The following MLXIPL variants were observed in gnomAD, a reference collection of about 807,000 sequenced individuals.
The protein encoded by MLXIPL is MLX interacting protein like.
A neutral mutation model predicts 81.5 loss-of-function variants in MLXIPL; 49 were observed. The observed-to-expected ratio is 0.60, with a 90% CI of 0.48 to 0.76. MLXIPL has a LOEUF of 0.76. Among genes scored for constraint, MLXIPL ranks in the 30% least tolerant of loss-of-function variants. The pLI, the probability that MLXIPL is intolerant of heterozygous loss-of-function variation, is 0.00. For missense variants in MLXIPL, 1,053 were observed against 1,167.0 expected (o/e 0.90, Z 1.42); for synonymous variants, 466 against 485.5 (o/e 0.96, Z 0.53).
At chr7:73,600,918 C>G (rs1471031038) in intron 7 of MLXIPL, among the ~76,000 whole-genome samples, 1 of 151,938 alleles carries the variant, frequency 6.6e-6, no homozygotes, top group Non-Finnish European at 1.5e-5. Context: ...GCCCGCCCAC[C>G]CGCTCCCTTC....
chr7:73,616,692 T>C (rs909583162), intron 1 of MLXIPL, among the ~76,000 whole-genome samples: 1 of 151,724 alleles, frequency 6.6e-6, no homozygotes, highest in Non-Finnish European at 1.5e-5. Context: ...CTACTAAAAA[T>C]ACAAAATTAG....
In MLXIPL at chr7:73,605,762, A is replaced by G; in HGVS notation, c.827T>C (p.Val276Ala). The G allele has an allele frequency of 6.2e-7, 1 of 1,613,354 alleles. No individual in the cohort carries two copies. Among genetic ancestry groups the G allele is most frequent in the African/African-American group, 1.3e-5 (1 of 75,000 alleles). Residue 276 changes from valine to alanine, a missense_variant, in exon 7 of 17, where the codon GTC (valine) becomes GCC (alanine). Coordinates refer to ENST00000313375, the MANE Select transcript of MLXIPL (RefSeq NM_032951.3). ...PLQLPPEDAY[V>A]GNADMIQPDL... ...CGGCTGGATCATGTCAGCATTGCCGACGTAGGCTGGAGGCAGCAGTGGCGA... is the reference window on the plus strand; with the variant it reads ...CGGCTGGATCATGTCAGCATTGCCGGCGTAGGCTGGAGGCAGCAGTGGCGA...
At chr7:73,611,153 C>T (rs553586847) in intron 2 of MLXIPL, 2 of 152,368 alleles carry the variant, frequency 1.3e-5, no homozygotes, top group Admixed American at 6.6e-5. Context: ...AGGGAAGCCC[C>T]TCTTACCTTC....
Position 73,597,312 on chromosome 7 carries a change from G to C in MLXIPL, c.1473C>G (p.Pro491=). 6.4e-7 allele frequency: 1 copy of C among 1,565,540 alleles called. No homozygotes were observed. Among genetic ancestry groups the C allele is most frequent in the Non-Finnish European group, 8.7e-7 (1 of 1,155,882 alleles). ...GGGATGGGGCGGGGGGCTTGCCTCTGGGCATGGAGAAGCAAGGCCCAAAGG... is the reference window on the plus strand; with the variant it reads ...GGGATGGGGCGGGGGGCTTGCCTCTCGGCATGGAGAAGCAAGGCCCAAAGG... ...EPAFGPCFSM[P]RGKPPAPSPR... Residue 491 remains proline, a synonymous_variant, in exon 9 of 17, where the codon CCC becomes CCG. Transcript: ENST00000313375.
chr7:73,630,285 C>CTT, the MLXIPL span, among the ~76,000 whole-genome samples: 15,748 of 97,794 alleles, frequency 0.16, 2,996 homozygotes, highest in African/African-American at 0.23. Flanking sequence ...GCCAGCTTGT[C>CTT]TTTTTTTTTT....
intron 4 of MLXIPL, 155 bp from the exon 5 acceptor site, chr7:73,607,173 G>GGCCA: frequency 7.9e-7 from 1 of 1,260,432 alleles, no homozygotes; most frequent in Non-Finnish European, 1.1e-6. Context: ...GAGACGCTGT[G>GGCCA]GCCACACGGT....
At chr7:73,635,717 T>A in the MLXIPL span, among the ~76,000 whole-genome samples, 1 of 152,040 alleles carries the variant, frequency 6.6e-6, no homozygotes, top group African/African-American at 2.4e-5. Context: ...CATCCATCCA[T>A]CCCCCTCTCT....
At chr7:73,632,318 T>A in the MLXIPL span, among the ~76,000 whole-genome samples, 1 of 152,084 alleles carries the variant, frequency 6.6e-6, no homozygotes, top group Non-Finnish European at 1.5e-5. Context: ...TGTTTCCTTA[T>A]CTGGATTCTG....
chr7:73,599,746 G>T, intron 7 of MLXIPL, 51 bp from the exon 8 acceptor site: 1 of 1,552,702 alleles, frequency 6.4e-7, no homozygotes, highest in South Asian at 1.2e-5. Flanking sequence ...GGCTATGGCT[G>T]GGAAACAGCT....
At chr7:73,644,842 T>C in the MLXIPL span, among the ~76,000 whole-genome samples, 1 of 152,108 alleles carries the variant, frequency 6.6e-6, no homozygotes. Context: ...GCCTCTCCCC[T>C]GCTGGATAAC....
rs549380296 is a variant in MLXIPL at position 73,607,584 on chromosome 7, A to G, written c.483+6T>C. The G allele has an allele frequency of 2.1e-5, 34 of 1,612,602 alleles. No individual in the cohort carries two copies. In the Admixed American group the frequency reaches 4.8e-4, roughly 23 times the overall value. On this transcript the variant is annotated splice_donor_region_variant and intron_variant, in intron 3 of 16. Transcript: ENST00000313375. ...CAGGTGGGCAGGCGGTCCAGAACCCAGCTACCTCCGGCTTCCGGTGCGCAT... is the reference window on the plus strand; with the variant it reads ...CAGGTGGGCAGGCGGTCCAGAACCCGGCTACCTCCGGCTTCCGGTGCGCAT...
the MLXIPL span, among the ~76,000 whole-genome samples, chr7:73,634,118 G>A: frequency 6.6e-6 from 1 of 152,172 alleles, no homozygotes; most frequent in African/African-American, 2.4e-5. Flanking sequence ...CTCAGTTTCT[G>A]TATCTGTAAA....
the MLXIPL span, among the ~76,000 whole-genome samples, chr7:73,633,241 C>T: frequency 4.6e-5 from 7 of 151,488 alleles, no homozygotes; most frequent in Middle Eastern, 3.2e-3. Context: ...CCACCACGCC[C>T]GGCTAATTTT....
intron 7 of MLXIPL, among the ~76,000 whole-genome samples, chr7:73,601,943 TG>T (rs1295110750): frequency 6.6e-6 from 1 of 152,080 alleles, no homozygotes; most frequent in Non-Finnish European, 1.5e-5. Flanking sequence ...GCCTACCCTC[TG>T]GGTGTCTGTC....
chr7:73,599,613 G>A lies in MLXIPL; in HGVS notation c.984C>T (p.Asp328=). ...CCAGGGTCCCACTGCTGAAGAGGGAGTCAACCACGGGGCTGAAGCTGGGGG... is the reference window on the plus strand; with the variant it reads ...CCAGGGTCCCACTGCTGAAGAGGGAATCAACCACGGGGCTGAAGCTGGGGG... ...PEPPSFSPVV[D]SLFSSGTLGP... is the part of the protein sequence containing the mutation. Residue 328 remains aspartate, a synonymous_variant, in exon 8 of 17, where the codon GAC becomes GAT. Coordinates refer to ENST00000313375, the MANE Select transcript of MLXIPL (RefSeq NM_032951.3). 1 of 1,611,828 alleles carries A rather than the reference G, an allele frequency of 6.2e-7. No homozygotes were observed. Among genetic ancestry groups the A allele is most frequent in the Non-Finnish European group, 8.5e-7 (1 of 1,178,644 alleles).
At position 73,597,231 on chromosome 7, in the gene MLXIPL, G is replaced by C. The variant is rs200441433; in HGVS notation, c.1554C>G (p.Pro518=). Residue 518 remains proline (P), a synonymous_variant, in exon 9 of 17, where the codon CCC becomes CCG. Transcript: ENST00000313375. The stretch of plus-strand genomic sequence containing the variant: ...AGGGGTTGTTGCTCCCCGCAGTGGT[G>C]GGGGGACTGGCAGTGGCAGGGGCTA... ...PTLAPATASP[P]TTAGSNNPCL... The C allele has an allele frequency of 5.5e-4, 877 of 1,603,436 alleles. 5 individuals are homozygous for C. The East Asian group carries it at 0.013, about 23-fold the overall frequency.
rs144164348 is a variant in MLXIPL, at chr7:73,593,996, C to CAG, written c.2441-15_2441-14dup. 52 of 1,599,994 alleles carry CAG rather than the reference C, an allele frequency of 3.3e-5. No homozygotes were observed. Among genetic ancestry groups the CAG allele is most frequent in the Admixed American group, 2.5e-4 (15 of 59,910 alleles). On this transcript the variant is annotated splice_polypyrimidine_tract_variant and intron_variant, in intron 16 of 16. Transcript: ENST00000313375. ...GAGTTCAGGACAGCTGGGTGGGAGACAGAGAGAGAGAGACAGACACTTCCT... is the reference window on the plus strand; with the variant it reads ...GAGTTCAGGACAGCTGGGTGGGAGACAGAGAGAGAGAGAGACAGACACTTCCT...
chr7:73,631,995 T>C, the MLXIPL span, among the ~76,000 whole-genome samples: 2 of 149,406 alleles, frequency 1.3e-5, no homozygotes, highest in Admixed American at 6.7e-5. Context: ...CTCCTTTTCT[T>C]TTCTTTTCTT....
At position 73,596,224 on chromosome 7, in the gene MLXIPL, A is replaced by G; in HGVS notation, c.1987T>C (p.Phe663Leu). The G allele has an allele frequency of 8.1e-6, 13 of 1,612,214 alleles. No individual in the cohort carries two copies. Among genetic ancestry groups the G allele is most frequent in the Non-Finnish European group, 1.1e-5 (13 of 1,179,788 alleles). The change falls in exon 13 of 17, where the codon TTC becomes CTC. Residue 663 changes from phenylalanine (F) to leucine (L), a missense_variant. This residue lies in a region of MLXIPL where 823 missense variants were observed against 933.0 expected (regional missense o/e 0.88). Coordinates refer to ENST00000313375, the MANE Select transcript of MLXIPL (RefSeq NM_032951.3). This position sits in a 1 kb window ranked among gnomAD's most constrained non-coding sequence, Gnocchi z 4.7. ...THISAEQKRR[F>L]NIKLGFDTLH... ...GTGTCAAACCCCAGCTTGATGTTGA[A>G]GCGCCGCTTCTGCTCCGCGGAGATG... is the stretch of plus-strand genomic sequence containing the variant.
Sources: allele counts gnomAD v4.1 joint callset (sites outside exome capture counted in the v4.1 genomes callset), GRCh38; gene constraint gnomAD v4.1.1; regional missense constraint gnomAD v4.1.1; non-coding constraint Gnocchi (gnomAD v3.1); transcripts MANE v1.5; gene names NCBI Gene and HGNC (gene_info 2026-07-23, HGNC 2026-07-21).